Variants in CFAP70 observed in about 807,000 individuals in gnomAD.
The protein encoded by CFAP70 is cilia and flagella associated protein 70.
Under a neutral mutation model 137.6 loss-of-function variants are expected in CFAP70, and 81 were observed. The ratio of observed to expected loss-of-function variants is 0.59; its 90% CI spans 0.49 to 0.71. CFAP70 has a LOEUF of 0.71. CFAP70 is among the 30% of genes least tolerant of loss of function. CFAP70 has a pLI of 0.00. For missense variants in CFAP70, 976 were observed against 1,226.7 expected (o/e 0.80, Z 3.05); for synonymous variants, 382 against 423.6 (o/e 0.90, Z 1.20).
intron 16 of CFAP70, 93 bp from the exon 18 acceptor site, chr10:73,292,107 C>A: frequency 6.9e-7 from 1 of 1,453,560 alleles, no homozygotes; most frequent in South Asian, 1.3e-5. Flanking sequence ...ACTGTAAGTT[C>A]TATGAAAGCA....
At chr10:73,267,640 C>G (rs2133674144) in intron 25 of CFAP70, among the ~76,000 whole-genome samples, 1 of 152,318 alleles carries the variant, frequency 6.6e-6, no homozygotes, top group African/African-American at 2.4e-5. Flanking sequence ...TAATTTTCTA[C>G]TGCTGTGTAT....
Position 73,354,886 on chromosome 10 carries a change from G to A in CFAP70, c.-39-51C>T, listed in dbSNP as rs1368001808. ...CCCCTCATGTACCACAGCTGCACAA[G>A]TACCCATATTCCATCATAACCAATA... On this transcript the variant is annotated intron_variant, in intron 1 of 26. Coordinates refer to ENST00000310715, the Ensembl canonical transcript of CFAP70. The A allele has an allele frequency of 3.7e-6, 4 of 1,074,166 alleles. No individual in the cohort carries two copies. The Admixed American group carries it at 7.6e-5, about 20-fold the overall frequency. The allele number at this position is 1,074,166 out of a possible 1,614,324, so 66.5% of individuals were successfully genotyped here. A position where few individuals can be genotyped will look rare whatever the true frequency, so the allele number is the denominator to read the frequency against.
intron 12 of CFAP70, among the ~76,000 whole-genome samples, chr10:73,304,183 A>G (rs2049187826): frequency 2.6e-5 from 4 of 151,942 alleles, no homozygotes; most frequent in Admixed American, 2.6e-4. Context: ...CCTCCCAAGT[A>G]GCTGGGACTA....
chr10:73,311,216 C>T (rs1342717444), intron 11 of CFAP70, among the ~76,000 whole-genome samples: 1 of 152,218 alleles, frequency 6.6e-6, no homozygotes, highest in Non-Finnish European at 1.5e-5. Flanking sequence ...ATATACCATA[C>T]ACTGCAATTA....
At chr10:73,272,423 G>A (rs1027187570) in intron 24 of CFAP70, among the ~76,000 whole-genome samples, 1 of 152,166 alleles carries the variant, frequency 6.6e-6, no homozygotes, top group Non-Finnish European at 1.5e-5. Flanking sequence ...TATGCCTGAA[G>A]AAATTAGGCA....
Position 73,272,882 on chromosome 10 carries a change from G to T in CFAP70, c.2925+46C>A, listed in dbSNP as rs778210415. 7 of 1,496,154 alleles carry T rather than the reference G, an allele frequency of 4.7e-6. No individual in the cohort carries two copies. The South Asian group carries it at 8.4e-5, about 18-fold the overall frequency. The allele number at this position is 1,496,154 out of a possible 1,614,324, so 92.7% of individuals were successfully genotyped here. On this transcript the variant is annotated intron_variant, in intron 24 of 26. Coordinates refer to ENST00000310715, the Ensembl canonical transcript of CFAP70. Reference sequence around the variant, plus strand: ...GATGCTTGGAAGGCCAAGGAATCAAGGTCAGCTGTATCCACAGCCCTAGTC... The same window carrying T: ...GATGCTTGGAAGGCCAAGGAATCAATGTCAGCTGTATCCACAGCCCTAGTC...
rs549724327 is a variant in CFAP70, at chr10:73,265,563, C to T, written c.3027+4051G>A. On this transcript the variant is annotated intron_variant, in intron 25 of 26. Coordinates refer to ENST00000310715, the Ensembl canonical transcript of CFAP70. ...CATTCTCCCATGTTTAATAAATGAA[C>T]TCCATTTAGGTTGTTTCCATTATTT... is the stretch of plus-strand genomic sequence containing the variant. 7.2e-5 allele frequency among the ~76,000 whole-genome samples: 11 copies of T among 152,232 alleles called. No homozygotes were observed. The East Asian group carries it at 2.1e-3, about 29-fold the overall frequency.
chr10:73,360,483 T>C (rs1484957525), upstream of CFAP70, among the ~76,000 whole-genome samples: 1 of 152,140 alleles, frequency 6.6e-6, no homozygotes, highest in African/African-American at 2.4e-5. Context: ...TTGGGCAACT[T>C]TTCTATACAT....
rs1473872268 is a variant in CFAP70, at chr10:73,351,116, TG to T, written c.250+2439del. Among the ~76,000 whole-genome samples, 18 of 127,870 alleles carry T rather than the reference TG, an allele frequency of 1.4e-4. 1 individual carries two copies. Among genetic ancestry groups the T allele is most frequent in the Admixed American group, 6.5e-4 (8 of 12,256 alleles). 83.9% of individuals were successfully genotyped at this position (127,870 alleles called of 152,430 possible). A position where few individuals can be genotyped will look rare whatever the true frequency, so the allele number is the denominator to read the frequency against. ...ATATATATATATATATATATATGTATGTTTTGTTTTTTTTTTTTGTGAGACG... is the reference window on the plus strand; with the variant it reads ...ATATATATATATATATATATATGTATTTTTGTTTTTTTTTTTTGTGAGACG... On this transcript the variant is annotated intron_variant, in intron 3 of 26. Coordinates refer to ENST00000310715, the Ensembl canonical transcript of CFAP70.
chr10:73,302,194 T>C lies in CFAP70; in HGVS notation c.1257-2529A>G, dbSNP rs147759380. Reference sequence around the variant, plus strand: ...TGGTATTTAGAGCCACGAGACTAGATAGAAACCAAGGAAATAAGTATAGAT... The same window carrying C: ...TGGTATTTAGAGCCACGAGACTAGACAGAAACCAAGGAAATAAGTATAGAT... On this transcript the variant is annotated intron_variant, in intron 12 of 26. Coordinates refer to ENST00000310715, the Ensembl canonical transcript of CFAP70. 6.2e-4 allele frequency among the ~76,000 whole-genome samples: 95 copies of C among 152,114 alleles called. 1 individual carries two copies. The highest frequency in any genetic ancestry group is 2.0e-3 in the African/African-American group (84 of 41,482).
intron 12 of CFAP70, among the ~76,000 whole-genome samples, chr10:73,308,323 T>G (rs1460651261): frequency 6.6e-6 from 1 of 151,780 alleles, no homozygotes; most frequent in East Asian, 2.0e-4. Flanking sequence ...CAAGGATCAA[T>G]AAACTTTAAA....
chr10:73,299,509 C>T (rs2048782095), intron 13 of CFAP70, 96 bp downstream of exon 14: 1 of 1,010,732 alleles, frequency 9.9e-7, no homozygotes, highest in Non-Finnish European at 1.5e-6. Flanking sequence ...AAGTTTTCAC[C>T]CCTTCTGGAA....
upstream of CFAP70, among the ~76,000 whole-genome samples, chr10:73,362,058 A>G (rs1017686977): frequency 1.3e-5 from 2 of 152,210 alleles, no homozygotes; most frequent in Non-Finnish European, 2.9e-5. Flanking sequence ...GATCAAAATA[A>G]TCAATTGAAT....
chr10:73,312,052 G>A, intron 10 of CFAP70, 138 bp from the exon 12 acceptor site: 1 of 675,866 alleles, frequency 1.5e-6, no homozygotes, highest in Non-Finnish European at 2.5e-6. Flanking sequence ...CCTTTGCAGG[G>A]ATGGATGAAG....
At chr10:73,312,934 A>G (rs1169801867) in intron 9 of CFAP70, among the ~76,000 whole-genome samples, 1 of 152,208 alleles carries the variant, frequency 6.6e-6, no homozygotes, top group Admixed American at 6.5e-5. Flanking sequence ...TTAATCTTTG[A>G]CACAGAATTT....
At chr10:73,339,210 G>A (rs1222371867) in intron 6 of CFAP70, among the ~76,000 whole-genome samples, 6 of 152,022 alleles carry the variant, frequency 3.9e-5, no homozygotes, top group African/African-American at 1.2e-4. Flanking sequence ...CAGCTACTCC[G>A]CCCAGCCGAG....
intron 24 of CFAP70, among the ~76,000 whole-genome samples, chr10:73,270,522 TCCCCC>T (rs1564758702): frequency 4.7e-3 from 5 of 1,074 alleles, no homozygotes; most frequent in Non-Finnish European, 5.0e-3. Flanking sequence ...TCCCCTCCCC[TCCCCC>T]TCCCCTCCCC....
At chr10:73,312,762 G>C (rs2050022267) in intron 9 of CFAP70, 119 bp from the exon 11 acceptor site, 1 of 888,026 alleles carries the variant, frequency 1.1e-6, no homozygotes, top group East Asian at 2.6e-5. Flanking sequence ...ATATCAGAGA[G>C]AGAGAAGGGA....
At chr10:73,270,585 GA>G (rs950300220) in intron 24 of CFAP70, among the ~76,000 whole-genome samples, 2 of 105,184 alleles carry the variant, frequency 1.9e-5, no homozygotes, top group African/African-American at 7.3e-5. Flanking sequence ...GCCCAGGCTG[GA>G]GTGCAATGGC....
Sources: gnomAD v4.1 joint callset for allele counts (sites outside exome capture counted in the v4.1 genomes callset) on GRCh38, gnomAD v4.1.1 for gene constraint, MANE v1.5 for transcripts, NCBI Gene and HGNC (gene_info 2026-07-23, HGNC 2026-07-21) for gene names.